TMEM220: variants seen among roughly 807,000 people sequenced by gnomAD.
TMEM220 encodes the protein transmembrane protein 220.
Under a neutral mutation model 21.7 loss-of-function variants are expected in TMEM220, and 21 were observed. That is an observed-to-expected ratio of 0.97 (90% CI 0.69 to 1.39). The LOEUF (loss-of-function observed/expected upper bound fraction) is 1.39, where lower values mean the gene tolerates loss of function less well. Among genes scored for constraint, TMEM220 ranks in the 40% most tolerant of loss-of-function variants. The pLI, the probability that TMEM220 is intolerant of heterozygous loss-of-function variation, is 0.00. For missense variants in TMEM220, 191 were observed against 201.9 expected, an observed-to-expected ratio of 0.95 and a Z score of 0.33; for synonymous variants, 80 against 73.6, an observed-to-expected ratio of 1.09 and a Z score of -0.45.
chr17:10,728,957 C>G, intron 2 of TMEM220, 74 bp downstream of exon 2: 1 of 1,514,074 alleles, frequency 6.6e-7, no homozygotes, highest in East Asian at 2.3e-5. Flanking sequence ...GGGGTAAAGA[C>G]ATAAAACCGT....
At chr17:10,717,897 C>T (rs905482935) in intron 5 of TMEM220, among the ~76,000 whole-genome samples, 3 of 151,736 alleles carry the variant, frequency 2.0e-5, no homozygotes, top group Non-Finnish European at 2.9e-5. Context: ...GTCGGCTCAT[C>T]GCAACCTCTG....
intron 1 of TMEM220, 144 bp downstream of exon 1, chr17:10,729,636 T>C (rs1236046679): frequency 3.2e-6 from 2 of 621,370 alleles, no homozygotes; most frequent in Non-Finnish European, 4.7e-6. Flanking sequence ...AAGTGGGGGC[T>C]CCCCAAGCAG....
chr17:10,725,710 C>G (rs1229189848), intron 3 of TMEM220, among the ~76,000 whole-genome samples: 1 of 152,190 alleles, frequency 6.6e-6, no homozygotes, highest in Non-Finnish European at 1.5e-5. Context: ...CCAGCACCAC[C>G]CTTCACCTTT....
intron 2 of TMEM220, among the ~76,000 whole-genome samples, chr17:10,728,313 G>GC (rs1491450695): frequency 1.9e-5 from 2 of 107,452 alleles, no homozygotes; most frequent in Admixed American, 9.7e-5. Context: ...TTTTTTCTTT[G>GC]CTTTTTTTTT....
intron 2 of TMEM220, among the ~76,000 whole-genome samples, chr17:10,728,137 G>A (rs1186113785): frequency 6.6e-6 from 1 of 150,692 alleles, no homozygotes; most frequent in Admixed American, 6.6e-5. Context: ...TCCAGCCTGG[G>A]CAACAAGAGC....
chr17:10,724,806 GC>G (rs2075030027), intron 4 of TMEM220, among the ~76,000 whole-genome samples: 1 of 152,160 alleles, frequency 6.6e-6, no homozygotes, highest in African/African-American at 2.4e-5. Context: ...TGATAATGAA[GC>G]CTGATAGATG....
intron 3 of TMEM220, 137 bp from the exon 4 acceptor site, chr17:10,725,271 G>T: frequency 8.0e-7 from 1 of 1,243,002 alleles, no homozygotes; most frequent in Non-Finnish European, 1.1e-6. Context: ...GCCCCTTTTT[G>T]TTTTAGGACA....
intron 1 of TMEM220, 33 bp downstream of exon 1, chr17:10,729,746 CG>C: frequency 7.5e-7 from 1 of 1,329,308 alleles, no homozygotes; most frequent in South Asian, 1.9e-5. Context: ...AGCTGGGAGC[CG>C]GGCGGGTCCC....
chr17:10,712,152 C>G (rs369167), downstream of TMEM220, among the ~76,000 whole-genome samples: 75,603 of 152,052 alleles, frequency 0.5, 19,609 homozygotes, highest in African/African-American at 0.65. Flanking sequence ...GGGTCTAGGA[C>G]GAATCCTTTT....
chr17:10,722,238 G>A (rs1192764590), intron 5 of TMEM220, among the ~76,000 whole-genome samples: 3 of 151,994 alleles, frequency 2.0e-5, no homozygotes, highest in South Asian at 2.1e-4. Context: ...CAGTTGATCC[G>A]CCTGCCTCGG....
intron 4 of TMEM220, 62 bp downstream of exon 4, chr17:10,724,946 CAAA>C: frequency 6.2e-7 from 1 of 1,605,480 alleles, no homozygotes; most frequent in Non-Finnish European, 8.5e-7. Context: ...TGAGGTGTTG[CAAA>C]CACGATTCCT....
At chr17:10,718,799 C>T (rs1271605193) in intron 5 of TMEM220, among the ~76,000 whole-genome samples, 1 of 152,162 alleles carries the variant, frequency 6.6e-6, no homozygotes, top group Non-Finnish European at 1.5e-5. Context: ...AAATAACATA[C>T]TCTGTAGGAT....
chr17:10,729,901 G>T lies in TMEM220; in HGVS notation c.-50C>A, dbSNP rs2151485090. The stretch of plus-strand genomic sequence containing the variant: ...GGTGAGTCCTGCCACGTGCGGGGCG[G>T]TGAGTCCTGCCACGTACGGTCCGCC... On this transcript the variant is annotated 5_prime_UTR_variant, in exon 1 of 6. Transcript: ENST00000341871. 1.6e-6 allele frequency: 2 copies of T among 1,280,040 alleles called. No individual in the cohort carries two copies. Among genetic ancestry groups the T allele is most frequent in the Non-Finnish European group, 2.0e-6 (2 of 1,011,446 alleles). 79.3% of individuals were successfully genotyped at this position (1,280,040 alleles called of 1,614,324 possible).
rs554398575 is a variant in TMEM220 at position 10,729,780 on chromosome 17, C to T, written c.72G>A (p.Gln24=). The change falls in exon 1 of 6, where the codon CAG becomes CAA. Residue 24 remains glutamine, a splice_region_variant and synonymous_variant. Coordinates refer to ENST00000341871, the MANE Select transcript of TMEM220 (RefSeq NM_001004313.3). Reference sequence around the variant, plus strand: ...CCCCCTCCCACCGCGGCCGCCTGACCTGCACCAAGGCCGCCAGCGCGAAGA... The same window carrying T: ...CCCCCTCCCACCGCGGCCGCCTGACTTGCACCAAGGCCGCCAGCGCGAAGA... The part of the protein sequence containing the change: ...AAFFALAALV[Q]VNDPDAEVWV... 3 of 1,412,108 alleles carry T rather than the reference C, an allele frequency of 2.1e-6. No individual in the cohort carries two copies. The highest frequency in any genetic ancestry group is 1.5e-5 in the African/African-American group (1 of 67,546). The allele number at this position is 1,412,108 out of a possible 1,614,324, so 87.5% of individuals were successfully genotyped here.
At chr17:10,728,364 A>G (rs573761008) in intron 2 of TMEM220, among the ~76,000 whole-genome samples, 3 of 140,398 alleles carry the variant, frequency 2.1e-5, no homozygotes, top group African/African-American at 8.2e-5. Context: ...ACTGGAGTGC[A>G]GTGGCACGAT....
chr17:10,716,165 C>A, intron 5 of TMEM220: 1 of 897,770 alleles, frequency 1.1e-6, no homozygotes, highest in South Asian at 1.3e-5. Flanking sequence ...CATAAGCCTT[C>A]TGGATCCTTG....
At chr17:10,728,299 T>G (rs9709263) in intron 2 of TMEM220, among the ~76,000 whole-genome samples, 1 of 146,922 alleles carries the variant, frequency 6.8e-6, no homozygotes, top group South Asian at 2.1e-4. Context: ...TTTTTTTTTT[T>G]CTTTTTTTTC....
rs77529384 is a variant in TMEM220 at position 10,718,511 on chromosome 17, C to G, written c.348-2923G>C. Reference sequence around the variant, plus strand: ...TGGGGTTTAACTTGCTGTTCTTTTCCTAACTTCTTGAAATGAAAAATTCCT... The same window carrying G: ...TGGGGTTTAACTTGCTGTTCTTTTCGTAACTTCTTGAAATGAAAAATTCCT... On this transcript the variant is annotated intron_variant, in intron 5 of 5. Transcript: ENST00000341871. Among the ~76,000 whole-genome samples, 140 of 151,008 alleles carry G rather than the reference C, an allele frequency of 9.3e-4. 1 individual carries two copies. The East Asian group carries it at 0.022, about 24-fold the overall frequency.
intron 2 of TMEM220, among the ~76,000 whole-genome samples, chr17:10,727,318 T>C (rs1185424465): frequency 6.6e-6 from 1 of 151,976 alleles, no homozygotes; most frequent in East Asian, 1.9e-4. Context: ...TCAAATTTAT[T>C]TTGTGTTTTG....
Sources: allele counts gnomAD v4.1 joint callset (sites outside exome capture counted in the v4.1 genomes callset), GRCh38; gene constraint gnomAD v4.1.1; transcripts MANE v1.5; gene names NCBI Gene and HGNC (gene_info 2026-07-23, HGNC 2026-07-21).